Variants in POLQ observed in about 807,000 individuals in gnomAD.
POLQ encodes DNA polymerase theta, also known as epididymis secretory sperm binding protein.
POLQ carries 233 observed loss-of-function variants against 259.2 expected under a neutral mutation model. That is an observed-to-expected ratio of 0.90 (90% confidence interval 0.81 to 1.00). POLQ has a LOEUF of 1.00. POLQ is among the 50% of genes least tolerant of loss of function. The pLI is 0.00. For synonymous variants in POLQ, 1,025 were observed against 1,048.8 expected (o/e 0.98, Z 0.44); for missense variants, 2,871 against 3,051.6 (o/e 0.94, Z 1.39).
At chr3:121,484,918 A>T in intron 17 of POLQ, 123 bp downstream of exon 17, 1 of 812,574 alleles carries the variant, frequency 1.2e-6, no homozygotes, top group South Asian at 2.3e-5. Flanking sequence ...AAACAAAAAA[A>T]AATTTAACTC....
At chr3:121,454,138 AT>A (rs1215559087) in intron 25 of POLQ, among the ~76,000 whole-genome samples, 1 of 152,208 alleles carries the variant, frequency 6.6e-6, no homozygotes, top group Non-Finnish European at 1.5e-5. Flanking sequence ...ACTAAGCTTC[AT>A]TAAGTGAAGG....
At position 121,489,851 on chromosome 3, in the gene POLQ, G is replaced by A. The variant is rs377624350; in HGVS notation, c.3080C>T (p.Pro1027Leu). The A allele has an allele frequency of 6.2e-7, 1 of 1,608,722 alleles. No homozygotes were observed. Among genetic ancestry groups the A allele is most frequent in the Non-Finnish European group, 8.5e-7 (1 of 1,178,910 alleles). Residue 1027 changes from proline to leucine, a missense_variant, in exon 16 of 30, where the codon CCT (proline) becomes CTT (leucine). Pro to Leu is a moderately conservative substitution (Grantham distance 98). Coordinates refer to ENST00000264233, the MANE Select transcript of POLQ (RefSeq NM_199420.4). Reference protein sequence around the residue: ...QTFSQKTKKAPLNFNSEKMSR... With the variant: ...QTFSQKTKKALLNFNSEKMSR... ...CATCTTTTCTGAATTGAAATTCAAA[G>A]GTGCCTTTTTTGTTTTCTGTGAAAA...
chr3:121,479,369 T>TGTGTGTGC (rs2047953403), intron 19 of POLQ, among the ~76,000 whole-genome samples: 1 of 150,378 alleles, frequency 6.6e-6, no homozygotes, highest in Non-Finnish European at 1.5e-5. Context: ...AAAATGTGTG[T>TGTGTGTGC]GTGTGTGTGT....
intron 16 of POLQ, among the ~76,000 whole-genome samples, chr3:121,486,008 G>T (rs570762851): frequency 1.3e-5 from 2 of 152,166 alleles, no homozygotes; most frequent in Non-Finnish European, 2.9e-5. Context: ...CAGAGCTCAC[G>T]CAATAAGACA....
intron 25 of POLQ, among the ~76,000 whole-genome samples, chr3:121,456,710 A>T (rs1489560602): frequency 6.6e-6 from 1 of 152,010 alleles, no homozygotes; most frequent in African/African-American, 2.4e-5. Context: ...AGAACTACAA[A>T]CCACTGCTCA....
chr3:121,521,852 T>G, intron 8 of POLQ, 151 bp downstream of exon 8: 1 of 491,518 alleles, frequency 2.0e-6, no homozygotes, highest in Non-Finnish European at 3.4e-6. Flanking sequence ...ATTACAGGAG[T>G]GAGCCACCAC....
intron 27 of POLQ, among the ~76,000 whole-genome samples, chr3:121,438,383 T>C (rs974337794): frequency 6.6e-6 from 1 of 152,234 alleles, no homozygotes; most frequent in African/African-American, 2.4e-5. Context: ...TTCCATTTTT[T>C]ATCATGTAAA....
intron 20 of POLQ, 47 bp from the exon 21 acceptor site, chr3:121,473,534 A>T (rs2047902678): frequency 8.1e-6 from 12 of 1,475,194 alleles, no homozygotes; most frequent in Non-Finnish European, 1.1e-5. Context: ...ACTTGCAAGG[A>T]TTATCATTCA....
At chr3:121,466,017 T>C (rs942115272) in intron 24 of POLQ, among the ~76,000 whole-genome samples, 3 of 152,150 alleles carry the variant, frequency 2.0e-5, no homozygotes, top group Admixed American at 6.5e-5. Context: ...GTTAGCCAAG[T>C]TGTGAATGCA....
chr3:121,454,144 T>C (rs1361621580), intron 25 of POLQ, among the ~76,000 whole-genome samples: 7 of 152,108 alleles, frequency 4.6e-5, no homozygotes, highest in Admixed American at 6.6e-5. Context: ...CTTCATTAAG[T>C]GAAGGAGAAA....
intron 9 of POLQ, among the ~76,000 whole-genome samples, chr3:121,516,166 T>A (rs762508422): frequency 5.9e-5 from 9 of 152,180 alleles, no homozygotes; most frequent in Non-Finnish European, 1.2e-4. Flanking sequence ...GATAAGTATT[T>A]GGGGGTGATA....
intron 18 of POLQ, among the ~76,000 whole-genome samples, chr3:121,482,295 G>C (rs557082506): frequency 6.6e-6 from 1 of 152,248 alleles, no homozygotes; most frequent in Non-Finnish European, 1.5e-5. Context: ...GAGGCGGGTT[G>C]ATCACCTGAG....
chr3:121,535,904 G>A (rs1237270161), intron 5 of POLQ, among the ~76,000 whole-genome samples: 1 of 152,058 alleles, frequency 6.6e-6, no homozygotes, highest in Non-Finnish European at 1.5e-5. Context: ...ATCCCAAGAT[G>A]ATTGCTATAT....
chr3:121,531,326 T>C (rs978887339), intron 6 of POLQ, among the ~76,000 whole-genome samples: 4 of 151,992 alleles, frequency 2.6e-5, no homozygotes, highest in African/African-American at 9.7e-5. Context: ...AGTAAAAAAG[T>C]CCAAAGGTGA....
intron 14 of POLQ, chr3:121,494,743 A>T: frequency 6.5e-7 from 1 of 1,549,832 alleles, no homozygotes; most frequent in Non-Finnish European, 8.8e-7. Context: ...CGGAAGACAA[A>T]GGCACTTTGG....
At chr3:121,453,675 T>G (rs906844372) in intron 25 of POLQ, among the ~76,000 whole-genome samples, 5 of 151,888 alleles carry the variant, frequency 3.3e-5, no homozygotes, top group African/African-American at 1.2e-4. Context: ...AAGGGAAGTT[T>G]AGAGAAAAAA....
chr3:121,439,543 T>C (rs978251692), intron 27 of POLQ, among the ~76,000 whole-genome samples: 2 of 152,206 alleles, frequency 1.3e-5, no homozygotes, highest in Non-Finnish European at 2.9e-5. Context: ...AGATAGTGCT[T>C]TTAAAATAAG....
At chr3:121,513,677 C>T (rs1402031233) in intron 9 of POLQ, among the ~76,000 whole-genome samples, 1 of 151,090 alleles carries the variant, frequency 6.6e-6, no homozygotes, top group Middle Eastern at 3.2e-3. Context: ...TTACTACCCC[C>T]CTCCCCAGAA....
intron 25 of POLQ, among the ~76,000 whole-genome samples, chr3:121,457,535 C>T (rs1321568430): frequency 1.3e-5 from 2 of 152,074 alleles, no homozygotes; most frequent in Admixed American, 6.6e-5. Context: ...AACAAACTTA[C>T]AAGAAAAAAA....
Sources: gnomAD v4.1 joint callset for allele counts (sites outside exome capture counted in the v4.1 genomes callset) on GRCh38, gnomAD v4.1.1 for gene constraint, MANE v1.5 for transcripts, NCBI Gene and HGNC (gene_info 2026-07-23, HGNC 2026-07-21) for gene names.